The following C10orf67 variants were observed in gnomAD, a reference collection of about 807,000 sequenced individuals.
C10orf67 encodes the protein chromosome 10 open reading frame 67.
In C10orf67, 60 loss-of-function variants were observed where a neutral mutation model predicts 35.6. That is an observed-to-expected ratio of 1.68 (90% CI 1.37 to 2.09). C10orf67 has a LOEUF of 2.09. Ranked by LOEUF, C10orf67 falls within the 30% of genes most tolerant of loss-of-function variation. The pLI is 0.00. For synonymous variants in C10orf67, 167 were observed against 115.8 expected (o/e 1.44, Z -2.84); for missense variants, 474 against 330.2 (o/e 1.44, Z -3.38).
intron 5 of C10orf67, among the ~76,000 whole-genome samples, chr10:23,298,860 G>A (rs189436228): frequency 1.4e-4 from 22 of 152,276 alleles, no homozygotes; most frequent in African/African-American, 3.6e-4. Flanking sequence ...TCCATGTACC[G>A]AAGGACAACA....
In C10orf67 at chr10:23,344,739, G is replaced by T; in HGVS notation, c.36C>A (p.Val12=). 2.5e-6 allele frequency: 4 copies of T among 1,571,532 alleles called. No homozygotes were observed. The highest frequency in any genetic ancestry group is 2.6e-6 in the Non-Finnish European group (3 of 1,158,618). Residue 12 remains valine, a synonymous_variant, in exon 1 of 16, where the codon GTC becomes GTA. Coordinates refer to ENST00000636213, the MANE Select transcript of C10orf67 (RefSeq NM_001371909.1). ...ALVRDRRAHY[V]MSIVIRWVHC... is the part of the protein sequence containing the mutation. ...GAACCCATCTAATAACTATGCTCAT[G>T]ACATAATGAGCCCTGCGATCCCGGA... is the stretch of plus-strand genomic sequence containing the variant.
intron 1 of C10orf67, among the ~76,000 whole-genome samples, chr10:23,342,452 C>T (rs532592995): frequency 1.3e-5 from 2 of 152,186 alleles, no homozygotes; most frequent in Non-Finnish European, 2.9e-5. Flanking sequence ...ACCCAGGCAC[C>T]AGCTCAGTCG....
chr10:23,338,214 C>T (rs1169750886), intron 1 of C10orf67, among the ~76,000 whole-genome samples: 2 of 152,160 alleles, frequency 1.3e-5, no homozygotes, highest in African/African-American at 2.4e-5. Context: ...CTGTGGATAT[C>T]GTTCAGTTTC....
At chr10:23,285,978 A>C (rs760788215) in intron 7 of C10orf67, among the ~76,000 whole-genome samples, 1 of 152,226 alleles carries the variant, frequency 6.6e-6, no homozygotes, top group South Asian at 2.1e-4. Context: ...CTGGTGGCTT[A>C]CCAGTGAGAT....
At chr10:23,325,672 T>TTA (rs889980187) in intron 2 of C10orf67, among the ~76,000 whole-genome samples, 11 of 123,450 alleles carry the variant, frequency 8.9e-5, no homozygotes, top group African/African-American at 2.0e-4. Context: ...ATTACTTGGA[T>TTA]TATATATATA....
At chr10:23,238,993 A>C (rs2132136048) in intron 13 of C10orf67, among the ~76,000 whole-genome samples, 1 of 152,308 alleles carries the variant, frequency 6.6e-6, no homozygotes, top group South Asian at 2.1e-4. Context: ...GTTGAAAAAA[A>C]ATTTCAGAAA....
At chr10:23,231,012 C>T (rs753890592) in intron 13 of C10orf67, among the ~76,000 whole-genome samples, 3 of 152,134 alleles carry the variant, frequency 2.0e-5, no homozygotes, top group Non-Finnish European at 4.4e-5. Flanking sequence ...ATTGCCCAGG[C>T]TGGAGGGCAA....
intron 4 of C10orf67, chr10:23,318,430 T>C (rs1056142532): frequency 1.3e-4 from 20 of 155,168 alleles, no homozygotes; most frequent in African/African-American, 4.3e-4. Flanking sequence ...GGAGGGACAA[T>C]GTAGAGGGGA....
intron 7 of C10orf67, among the ~76,000 whole-genome samples, chr10:23,289,692 A>G (rs111438201): frequency 7.2e-5 from 11 of 152,192 alleles, no homozygotes; most frequent in Non-Finnish European, 2.9e-5. Flanking sequence ...AGTGATCCCA[A>G]ACAAAAGAAG....
chr10:23,308,207 C>G (rs1274593759), intron 4 of C10orf67, among the ~76,000 whole-genome samples: 1 of 152,166 alleles, frequency 6.6e-6, no homozygotes, highest in Non-Finnish European at 1.5e-5. Flanking sequence ...ACCCCTAATT[C>G]TGTACCAAAC....
intron 6 of C10orf67, among the ~76,000 whole-genome samples, chr10:23,290,397 C>A (rs911094884): frequency 2.6e-5 from 4 of 152,178 alleles, no homozygotes; most frequent in African/African-American, 9.7e-5. Flanking sequence ...TAATATATCT[C>A]ATTTTACTGA....
At chr10:23,260,996 A>T (rs549691484) in intron 10 of C10orf67, among the ~76,000 whole-genome samples, 27 of 152,318 alleles carry the variant, frequency 1.8e-4, no homozygotes, top group Non-Finnish European at 3.4e-4. Flanking sequence ...AACTAGGGAG[A>T]CAGACCACCA....
intron 15 of C10orf67, among the ~76,000 whole-genome samples, chr10:23,216,577 C>G (rs986587148): frequency 1.3e-5 from 2 of 151,990 alleles, no homozygotes; most frequent in Non-Finnish European, 2.9e-5. Flanking sequence ...TCTGAATTCC[C>G]ATCAACAGCA....
intron 8 of C10orf67, among the ~76,000 whole-genome samples, chr10:23,281,070 A>G (rs112022866): frequency 1.3e-3 from 192 of 152,330 alleles, no homozygotes; most frequent in African/African-American, 4.5e-3. Flanking sequence ...AAGGCCCAAA[A>G]TAACACATTT....
chr10:23,277,279 A>G (rs148408131), intron 8 of C10orf67, among the ~76,000 whole-genome samples: 319 of 152,256 alleles, frequency 2.1e-3, no homozygotes, highest in African/African-American at 7.5e-3. Context: ...GTGGCTGGGT[A>G]TGGTGGCTCA....
At chr10:23,277,771 T>C (rs1369062601) in intron 8 of C10orf67, among the ~76,000 whole-genome samples, 1 of 152,194 alleles carries the variant, frequency 6.6e-6, no homozygotes, top group African/African-American at 2.4e-5. Flanking sequence ...TATCAATAGA[T>C]AAAACCCATC....
chr10:23,329,812 A>AAAAAAAC, intron 2 of C10orf67, among the ~76,000 whole-genome samples: 1 of 148,614 alleles, frequency 6.7e-6, no homozygotes, highest in Admixed American at 6.7e-5. Context: ...AAAAAAAAAA[A>AAAAAAAC]AAAAGAAAAG....
chr10:23,214,474 G>C (rs777430543), intron 15 of C10orf67, among the ~76,000 whole-genome samples: 2 of 151,902 alleles, frequency 1.3e-5, no homozygotes, highest in Non-Finnish European at 2.9e-5. Flanking sequence ...AAAATTTATG[G>C]GATGCAACTA....
chr10:23,314,364 A>T (rs1844612026), intron 4 of C10orf67, among the ~76,000 whole-genome samples: 1 of 152,046 alleles, frequency 6.6e-6, no homozygotes. Context: ...CCTCACACCT[A>T]TAATCCCAGC....
Sources: allele counts gnomAD v4.1 joint callset (sites outside exome capture counted in the v4.1 genomes callset), GRCh38; gene constraint gnomAD v4.1.1; transcripts MANE v1.5; gene names NCBI Gene and HGNC (gene_info 2026-07-23, HGNC 2026-07-21).